The following UBN1 variants were observed in gnomAD, a reference collection of about 807,000 sequenced individuals.
The protein encoded by UBN1 is ubinuclein-1.
UBN1 carries 17 observed loss-of-function variants against 108.5 expected under a neutral mutation model. The ratio of observed to expected loss-of-function variants is 0.16; its 90% CI spans 0.11 to 0.24. The LOEUF (loss-of-function observed/expected upper bound fraction) is 0.24, where lower values mean the gene tolerates loss of function less well. UBN1 is among the 10% of genes least tolerant of loss of function. The pLI is 1.00. For synonymous variants in UBN1, 726 were observed against 564.2 expected (o/e 1.29, Z -4.07); for missense variants, 1,595 against 1,394.4 (o/e 1.14, Z -2.29).
rs954494098 is a variant in UBN1 at position 4,877,683 on chromosome 16, G to A, written c.3355+209G>A. 88 of 1,271,666 alleles carry A rather than the reference G, an allele frequency of 6.9e-5. No individual in the cohort carries two copies. Among genetic ancestry groups the A allele is most frequent in the Non-Finnish European group, 7.7e-5 (78 of 1,009,476 alleles). The allele number at this position is 1,271,666 out of a possible 1,614,324, so 78.8% of individuals were successfully genotyped here. Reference sequence around the variant, plus strand: ...CCTCTGGTCCCCACTTGGAGCTGCCGCCAGGTCAGCCTCAGCCTGTGTGAT... The same window carrying A: ...CCTCTGGTCCCCACTTGGAGCTGCCACCAGGTCAGCCTCAGCCTGTGTGAT... On this transcript the variant is annotated intron_variant, in intron 17 of 17. Coordinates refer to ENST00000262376, the MANE Select transcript of UBN1 (RefSeq NM_001079514.3). This position sits in a 1 kb window ranked among gnomAD's most constrained non-coding sequence, Gnocchi z 4.3.
intron 2 of UBN1, among the ~76,000 whole-genome samples, chr16:4,854,355 G>C (rs2086696545): frequency 7.0e-6 from 1 of 142,432 alleles, no homozygotes; most frequent in Non-Finnish European, 1.5e-5. Flanking sequence ...TGTTGTTGTT[G>C]TTTTTTGAGA....
At chr16:4,873,155 A>C (rs2087724925) in intron 14 of UBN1, 82 bp downstream of exon 14, 2 of 1,566,592 alleles carry the variant, frequency 1.3e-6, no homozygotes, top group Admixed American at 3.4e-5. Flanking sequence ...GTGACTGTGG[A>C]AGCTCATTGA....
intron 1 of UBN1, among the ~76,000 whole-genome samples, chr16:4,850,736 C>G (rs938024329): frequency 6.6e-6 from 1 of 152,042 alleles, no homozygotes; most frequent in Non-Finnish European, 1.5e-5. Context: ...GATCATAATT[C>G]GACAAATGAA....
Position 4,858,104 on chromosome 16 carries a change from C to G in UBN1, c.336+28C>G. 2.7e-6 allele frequency: 4 copies of G among 1,484,970 alleles called. No individual in the cohort carries two copies. The South Asian group carries it at 4.5e-5, about 17-fold the overall frequency. 92.0% of individuals were successfully genotyped at this position (1,484,970 alleles called of 1,614,324 possible). ...AAGATTTCTCTCTTGAATAACAAAACAACCTCATTGGGTGGGAGACGTTTC... is the reference window on the plus strand; with the variant it reads ...AAGATTTCTCTCTTGAATAACAAAAGAACCTCATTGGGTGGGAGACGTTTC... On this transcript the variant is annotated intron_variant, in intron 3 of 17. Transcript: ENST00000262376.
chr16:4,876,335 C>G (rs978107444), intron 15 of UBN1, among the ~76,000 whole-genome samples: 2 of 152,172 alleles, frequency 1.3e-5, no homozygotes, highest in Admixed American at 6.5e-5. Context: ...ACCTCCTTTC[C>G]TGCACCCACC....
chr16:4,873,684 A>G (rs1451578300), intron 14 of UBN1, among the ~76,000 whole-genome samples: 2 of 152,196 alleles, frequency 1.3e-5, no homozygotes, highest in African/African-American at 4.8e-5. Flanking sequence ...TGTCCCAGAC[A>G]CACTGTATTA....
rs1217176071 is a variant in UBN1 at position 4,877,666 on chromosome 16, C to T, written c.3355+192C>T. The T allele has an allele frequency of 3.2e-5, 41 of 1,287,816 alleles. No individual in the cohort carries two copies. The highest frequency in any genetic ancestry group is 7.5e-5 in the South Asian group (3 of 40,062). 79.8% of individuals were successfully genotyped at this position (1,287,816 alleles called of 1,614,324 possible). A position where few individuals can be genotyped will look rare whatever the true frequency, so the allele number is the denominator to read the frequency against. ...TTCTACTCTTGGGGTTTCCTCTGGTCCCCACTTGGAGCTGCCGCCAGGTCA... is the reference window on the plus strand; with the variant it reads ...TTCTACTCTTGGGGTTTCCTCTGGTTCCCACTTGGAGCTGCCGCCAGGTCA... On this transcript the variant is annotated intron_variant, in intron 17 of 17. Transcript: ENST00000262376. This position sits in a 1 kb window ranked among gnomAD's most constrained non-coding sequence, Gnocchi z 4.3.
At chr16:4,852,219 G>T (rs1369271577) in intron 1 of UBN1, 1 of 152,238 alleles carries the variant, frequency 6.6e-6, no homozygotes, top group Admixed American at 6.5e-5. Flanking sequence ...TTCATATTCT[G>T]TGAACATTTG....
rs1331353427 is a variant in UBN1 at position 4,870,550 on chromosome 16, A to G, written c.1346A>G (p.Lys449Arg). The change falls in exon 10 of 18, where the codon AAG (lysine) becomes AGG (arginine). Residue 449 changes from lysine to arginine, a missense_variant. Transcript: ENST00000262376. Reference protein sequence around the residue: ...GRLKEPLQKLKEAIGRAMPEQ... With the variant: ...GRLKEPLQKLREAIGRAMPEQ... ...CTGAAGGAGCCTCTCCAGAAGCTCA[A>G]GGAAGCCATTGGCAGGGCGATGCCA... 3.1e-6 allele frequency: 5 copies of G among 1,614,254 alleles called. No individual in the cohort carries two copies. The South Asian group carries it at 4.4e-5, about 14-fold the overall frequency.
rs201811082 is a variant in UBN1 at position 4,857,958 on chromosome 16, G to C, written c.250-32G>C. 8.0e-6 allele frequency: 12 copies of C among 1,495,348 alleles called. No homozygotes were observed. In the Admixed American group the frequency reaches 2.0e-4, roughly 25 times the overall value. The allele number at this position is 1,495,348 out of a possible 1,614,324, so 92.6% of individuals were successfully genotyped here. A position where few individuals can be genotyped will look rare whatever the true frequency, so the allele number is the denominator to read the frequency against. ...GAATAAGAACATGGGAATATTTTCT[G>C]ACTTATTTTTTGTGGAACGATCTCT... On this transcript the variant is annotated intron_variant, in intron 2 of 17. Transcript: ENST00000262376.
In UBN1 at chr16:4,873,020, C is replaced by A; in HGVS notation, c.1758-11C>A. 1.2e-6 allele frequency: 2 copies of A among 1,614,178 alleles called. No homozygotes were observed. The highest frequency in any genetic ancestry group is 1.7e-6 in the Non-Finnish European group (2 of 1,180,032). ...TTCTCTAAACTTTTCTGTGCTCATT[C>A]CTTTGAACAGGGCCAAGAAGAAAGT... On this transcript the variant is annotated splice_polypyrimidine_tract_variant and intron_variant, in intron 13 of 17. Coordinates refer to ENST00000262376, the MANE Select transcript of UBN1 (RefSeq NM_001079514.3).
chr16:4,876,134 G>GT (rs2087872525), intron 15 of UBN1, among the ~76,000 whole-genome samples: 3 of 151,768 alleles, frequency 2.0e-5, no homozygotes, highest in Admixed American at 6.6e-5. Flanking sequence ...AATTTTTTGT[G>GT]TTTTTAGTAG....
intron 7 of UBN1, 145 bp downstream of exon 7, chr16:4,861,247 C>A: frequency 1.1e-6 from 1 of 930,246 alleles, no homozygotes; most frequent in Non-Finnish European, 1.6e-6. Context: ...TATTCTCATC[C>A]TGAGGGAGAA....
Position 4,847,673 on chromosome 16 carries a change from G to C in UBN1, c.-577G>C, listed in dbSNP as rs894254730. 2 of 195,708 alleles carry C rather than the reference G, an allele frequency of 1.0e-5. No individual in the cohort carries two copies. Among genetic ancestry groups the C allele is most frequent in the Non-Finnish European group, 2.1e-5 (2 of 96,788 alleles). 12.1% of individuals were successfully genotyped at this position (195,708 alleles called of 1,614,324 possible). On this transcript the variant is annotated 5_prime_UTR_variant, in exon 1 of 18. Transcript: ENST00000262376. ...GCCCGTTGGTCCGGCGCGGGCCCCG[G>C]GGCCATTCCCGAGCCCGAGGCGCTG...
chr16:4,852,419 G>T (rs1056836429), intron 1 of UBN1: 1 of 156,928 alleles, frequency 6.4e-6, no homozygotes, highest in African/African-American at 2.4e-5. Flanking sequence ...TACTATCCTG[G>T]GGTAGGCAAT....
At position 4,874,673 on chromosome 16, in the gene UBN1, C is replaced by A. The variant is rs138404145; in HGVS notation, c.2263C>A (p.Pro755Thr). 58 of 1,614,096 alleles carry A rather than the reference C, an allele frequency of 3.6e-5. 1 individual carries two copies. The highest frequency in any genetic ancestry group is 1.6e-4 in the Middle Eastern group (1 of 6,084). ...ALGQSSQEKK[P>T]ESSGYKELSC... ...GGGGCAGTCCTCTCAGGAGAAAAAA[C>A]CAGAGAGTTCTGGCTACAAAGAGCT... Residue 755 changes from proline to threonine, a missense_variant, in exon 15 of 18, where the codon CCA becomes ACA. Physicochemically the swap from Pro to Thr is conservative, Grantham distance 38. This residue lies in a region of UBN1 where 1,398 missense variants were observed against 1,194.7 expected (regional missense o/e 1.17). Transcript: ENST00000262376.
In UBN1 at chr16:4,880,196, G is replaced by C. The variant is rs1384846911; in HGVS notation, c.*64G>C. 9.1e-6 allele frequency: 14 copies of C among 1,542,832 alleles called. No individual in the cohort carries two copies. Among genetic ancestry groups the C allele is most frequent in the Non-Finnish European group, 1.1e-5 (12 of 1,115,736 alleles). Reference sequence around the variant, plus strand: ...GAATCAGAACGTGCAGGTCTCCCAGGATGTACACTCACTGCGCCCTTTCTG... The same window carrying C: ...GAATCAGAACGTGCAGGTCTCCCAGCATGTACACTCACTGCGCCCTTTCTG... On this transcript the variant is annotated 3_prime_UTR_variant, in exon 18 of 18. Transcript: ENST00000262376.
chr16:4,879,973 T>G, intron 17 of UBN1, 110 bp from the exon 18 acceptor site: 1 of 1,164,584 alleles, frequency 8.6e-7, no homozygotes, highest in South Asian at 1.3e-5. Context: ...CACTCAGCAT[T>G]TGGGGACTTT....
At chr16:4,849,025 G>C (rs78184928) in intron 1 of UBN1, among the ~76,000 whole-genome samples, 2,717 of 152,228 alleles carry the variant, frequency 0.018, 72 homozygotes, top group African/African-American at 0.062. Context: ...CGCTTAACCC[G>C]GGAAGCGGAG....
Sources: allele counts gnomAD v4.1 joint callset (sites outside exome capture counted in the v4.1 genomes callset), GRCh38; gene constraint gnomAD v4.1.1; regional missense constraint gnomAD v4.1.1; non-coding constraint Gnocchi (gnomAD v3.1); transcripts MANE v1.5; gene names NCBI Gene and HGNC (gene_info 2026-07-23, HGNC 2026-07-21).